The following PMS1 variants were observed in gnomAD, a reference collection of about 807,000 sequenced individuals.
PMS1 encodes the protein PMS1 homolog 1, mismatch repair system component.
Under a neutral mutation model 93.1 loss-of-function variants are expected in PMS1, and 79 were observed. That is an observed-to-expected ratio of 0.85 (90% CI 0.71 to 1.02). The LOEUF is 1.02. PMS1 is among the 50% of genes least tolerant of loss of function. The probability of loss-of-function intolerance (pLI) is 0.00; values close to 1 mark genes in which losing one functional copy is unlikely to be tolerated. For missense variants in PMS1, 1,064 were observed against 1,085.3 expected (o/e 0.98, Z 0.28); for synonymous variants, 335 against 363.4 (o/e 0.92, Z 0.89).
chr2:189,790,152 A>G (rs549955890), intron 1 of PMS1, among the ~76,000 whole-genome samples: 2 of 152,348 alleles, frequency 1.3e-5, no homozygotes, highest in South Asian at 2.1e-4. Context: ...GTTATCTGAC[A>G]TGTCTGGTAT....
chr2:189,842,720 C>G (rs1159563599), intron 5 of PMS1, among the ~76,000 whole-genome samples: 3 of 151,998 alleles, frequency 2.0e-5, no homozygotes, highest in Non-Finnish European at 2.9e-5. Flanking sequence ...AAAAGGGAGA[C>G]AAAGAGTGAG....
At chr2:189,869,548 G>T (rs979885879) in intron 11 of PMS1, among the ~76,000 whole-genome samples, 1 of 152,094 alleles carries the variant, frequency 6.6e-6, no homozygotes, top group Non-Finnish European at 1.5e-5. Context: ...CAGGCACGGT[G>T]GCTCATGCCT....
At chr2:189,852,622 G>A (rs2054861970) in intron 6 of PMS1, 33 bp from the exon 7 acceptor site, 2 of 1,592,732 alleles carry the variant, frequency 1.3e-6, no homozygotes, top group African/African-American at 2.7e-5. Flanking sequence ...GAACTACATT[G>A]TTGACATTGC....
At chr2:189,835,049 T>C (rs571840904) in intron 5 of PMS1, among the ~76,000 whole-genome samples, 46 of 152,352 alleles carry the variant, frequency 3.0e-4, no homozygotes, top group African/African-American at 1.1e-3. Flanking sequence ...CTTTACATGG[T>C]TGAAAACCCA....
In PMS1 at chr2:189,867,997, G is replaced by T. The variant is rs1481158930; in HGVS notation, c.2473+68G>T. On this transcript the variant is annotated intron_variant, in intron 11 of 12. Coordinates refer to ENST00000441310, the MANE Select transcript of PMS1 (RefSeq NM_000534.5). ...GTCTTGTTCCAAGAGTTACATTTGG[G>T]TTTCATGATTTACAGATATGGTGGT... 6.8e-6 allele frequency: 9 copies of T among 1,319,990 alleles called. No individual in the cohort carries two copies. The Admixed American group carries it at 1.5e-4, about 22-fold the overall frequency. 81.8% of individuals were successfully genotyped at this position (1,319,990 alleles called of 1,614,324 possible). A position where few individuals can be genotyped will look rare whatever the true frequency, so the allele number is the denominator to read the frequency against.
At chr2:189,806,134 A>T in intron 4 of PMS1, 3 of 364,372 alleles carry the variant, frequency 8.2e-6, no homozygotes. Flanking sequence ...TACCATCAAG[A>T]TATGATTAAA....
intron 5 of PMS1, among the ~76,000 whole-genome samples, chr2:189,821,761 A>G (rs1339952211): frequency 6.6e-6 from 1 of 152,170 alleles, no homozygotes; most frequent in African/African-American, 2.4e-5. Flanking sequence ...GTGAGCCGAG[A>G]TCGCACCACT....
At chr2:189,833,145 T>G (rs2106377669) in intron 5 of PMS1, among the ~76,000 whole-genome samples, 1 of 152,340 alleles carries the variant, frequency 6.6e-6, no homozygotes, top group African/African-American at 2.4e-5. Flanking sequence ...GTGTGAAATT[T>G]GAGTAAACTT....
intron 6 of PMS1, among the ~76,000 whole-genome samples, chr2:189,849,155 G>T (rs531974954): frequency 2.6e-5 from 4 of 152,082 alleles, no homozygotes; most frequent in African/African-American, 9.6e-5. Context: ...ATTATTGGTG[G>T]TGATCTCAAC....
intron 11 of PMS1, among the ~76,000 whole-genome samples, chr2:189,868,477 G>C (rs2106532438): frequency 6.6e-6 from 1 of 152,288 alleles, no homozygotes; most frequent in East Asian, 1.9e-4. Flanking sequence ...CATCTGGCTA[G>C]AGACTTCAGT....
chr2:189,795,993 C>G, intron 3 of PMS1, 42 bp downstream of exon 3: 1 of 1,277,988 alleles, frequency 7.8e-7, no homozygotes, highest in Non-Finnish European at 1.1e-6. Context: ...TTCATATTCA[C>G]TGAACATTAC....
chr2:189,874,418 A>G (rs2057394053), intron 12 of PMS1, among the ~76,000 whole-genome samples: 1 of 152,198 alleles, frequency 6.6e-6, no homozygotes. Flanking sequence ...GGAAATTTTC[A>G]TTTTTGTGAC....
chr2:189,791,585 C>G (rs1338027075), intron 1 of PMS1: 1 of 443,566 alleles, frequency 2.3e-6, no homozygotes, highest in Admixed American at 3.4e-5. Context: ...CCACTGCACT[C>G]CAGCCTGGGT....
chr2:189,812,217 C>T (rs2050907723), intron 4 of PMS1, among the ~76,000 whole-genome samples: 1 of 152,162 alleles, frequency 6.6e-6, no homozygotes, highest in African/African-American at 2.4e-5. Flanking sequence ...AGGAGAATTG[C>T]TTGAACCCAG....
rs555290071 is a variant in PMS1, at chr2:189,829,212, A to T, written c.582+11032A>T. On this transcript the variant is annotated intron_variant, in intron 5 of 12. Coordinates refer to ENST00000441310, the MANE Select transcript of PMS1 (RefSeq NM_000534.5). ...TTGGAAGGGTTAAGTGATGGCTTGC[A>T]CTCTGAAGAAAGTTACGATGTAAAT... 2.6e-5 allele frequency among the ~76,000 whole-genome samples: 4 copies of T among 152,278 alleles called. No individual in the cohort carries two copies. The East Asian group carries it at 7.7e-4, about 29-fold the overall frequency.
chr2:189,829,864 T>G (rs534707255), intron 5 of PMS1, among the ~76,000 whole-genome samples: 7 of 152,320 alleles, frequency 4.6e-5, no homozygotes, highest in Admixed American at 3.3e-4. Flanking sequence ...ACTACCACTG[T>G]GGTCCAAGCC....
intron 11 of PMS1, among the ~76,000 whole-genome samples, chr2:189,868,314 A>T (rs1258689380): frequency 6.6e-6 from 1 of 152,192 alleles, no homozygotes; most frequent in African/African-American, 2.4e-5. Flanking sequence ...TTCAAAAAAC[A>T]TTTGCTTGTT....
chr2:189,793,459 A>C (rs568757550), intron 2 of PMS1, among the ~76,000 whole-genome samples: 1 of 152,344 alleles, frequency 6.6e-6, no homozygotes, highest in South Asian at 2.1e-4. Flanking sequence ...ATACACTATA[A>C]GCTTTATAAA....
intron 5 of PMS1, among the ~76,000 whole-genome samples, chr2:189,835,704 T>A (rs539211328): frequency 1.3e-5 from 2 of 152,164 alleles, no homozygotes; most frequent in South Asian, 4.1e-4. Context: ...GGTGGGAGGA[T>A]CGCTTGAGTC....
Sources: allele counts gnomAD v4.1 joint callset (sites outside exome capture counted in the v4.1 genomes callset), GRCh38; gene constraint gnomAD v4.1.1; transcripts MANE v1.5; gene names NCBI Gene and HGNC (gene_info 2026-07-23, HGNC 2026-07-21).